KIF25: variants seen among roughly 807,000 people sequenced by gnomAD.
KIF25 encodes the protein kinesin family member 25, also known as kinesin-like protein KIF25.
KIF25 carries 19 observed loss-of-function variants against 32.9 expected under a neutral mutation model. The ratio of observed to expected loss-of-function variants is 0.58; its 90% confidence interval spans 0.40 to 0.85. The LOEUF is 0.85. Among genes scored for constraint, KIF25 ranks in the 40% least tolerant of loss-of-function variants. The pLI, the probability that KIF25 is intolerant of heterozygous loss-of-function variation, is 0.00. For missense variants in KIF25, 485 were observed against 507.0 expected (o/e 0.96, Z 0.42); for synonymous variants, 225 against 213.7 (o/e 1.05, Z -0.46).
intron 4 of KIF25, among the ~76,000 whole-genome samples, chr6:168,011,375 T>A (rs1798645098): frequency 6.6e-6 from 1 of 152,206 alleles, no homozygotes. Context: ...TTCTTGTAAG[T>A]CCCGTCTTGT....
At chr6:168,000,265 G>A (rs13194681) in intron 2 of KIF25, among the ~76,000 whole-genome samples, 30 of 20,760 alleles carry the variant, frequency 1.4e-3, no homozygotes, top group African/African-American at 2.3e-3. Flanking sequence ...TGACCTTCTC[G>A]CCCTCCCTCC....
chr6:168,016,262 C>T (rs2114879591), intron 4 of KIF25, among the ~76,000 whole-genome samples: 1 of 152,288 alleles, frequency 6.6e-6, no homozygotes, highest in Middle Eastern at 3.4e-3. Context: ...GGGGATGTGA[C>T]ATTATCATGT....
intron 2 of KIF25, among the ~76,000 whole-genome samples, chr6:168,001,560 AGGTGAGAAGACACCTGAGG>A: frequency 1.0e-5 from 1 of 97,450 alleles, no homozygotes; most frequent in East Asian, 5.5e-4. Context: ...GGCCTCGGGC[AGGTGAGAAGACACCTGAGG>A]CGTGGCCTCG....
intron 11 of KIF25, 136 bp downstream of exon 11, chr6:168,042,287 A>G: frequency 1.0e-6 from 1 of 959,722 alleles, no homozygotes; most frequent in Admixed American, 2.8e-5. Context: ...TGAGTTCCAA[A>G]TCCCGTTACA....
Position 168,041,973 on chromosome 6 carries a change from C to A in KIF25, c.651C>A (p.Asp217Glu). 1 of 1,551,532 alleles carries A rather than the reference C, an allele frequency of 6.4e-7. No homozygotes were observed. The highest frequency in any genetic ancestry group is 8.7e-7 in the Non-Finnish European group (1 of 1,147,102). ...TCGCTCCTTGGTCCCTTGCAGCAGA[C>A]CAAGCCTGCAGTGCCACCCTCCCCA... ...TTASCSDSTA[D>E]QACSATLPRE... Residue 217 changes from aspartate (D) to glutamate (E), a missense_variant, in exon 11 of 13, where the codon GAC (aspartate) becomes GAA (glutamate). Asp to Glu is a conservative substitution (Grantham distance 45). This residue lies in a region of KIF25 where 480 missense variants were observed against 470.3 expected (regional missense o/e 1.02). Transcript: ENST00000643607.
intron 4 of KIF25, among the ~76,000 whole-genome samples, chr6:168,010,882 G>A (rs1273053814): frequency 2.0e-5 from 3 of 151,908 alleles, no homozygotes; most frequent in Non-Finnish European, 4.4e-5. Context: ...CTTTTTTATG[G>A]CTTTTAACTT....
chr6:168,001,810 T>C (rs1798508917), intron 2 of KIF25, among the ~76,000 whole-genome samples: 1 of 90,888 alleles, frequency 1.1e-5, no homozygotes, highest in Non-Finnish European at 2.2e-5. Context: ...AGAAGACACC[T>C]GAGGCATGGC....
intron 10 of KIF25, 71 bp from the exon 11 acceptor site, chr6:168,041,894 TCTGA>T (rs1183306437): frequency 6.9e-7 from 1 of 1,455,648 alleles, no homozygotes; most frequent in East Asian, 2.5e-5. Flanking sequence ...GCTTCTCGGC[TCTGA>T]CTGAGGCAAA....
intron 4 of KIF25, among the ~76,000 whole-genome samples, chr6:168,010,537 T>C (rs1798634109): frequency 6.6e-6 from 1 of 152,154 alleles, no homozygotes; most frequent in Admixed American, 6.5e-5. Flanking sequence ...TTGTTTTGTG[T>C]CCTAACATGT....
chr6:168,001,716 TGGCCGCGGG>T (rs1175347452), intron 2 of KIF25, among the ~76,000 whole-genome samples: 7 of 61,048 alleles, frequency 1.1e-4, no homozygotes, highest in African/African-American at 2.4e-4. Context: ...ACCTGAGGCG[TGGCCGCGGG>T]CAGGTGAGAA....
rs181413719 is a variant in KIF25 at position 168,033,153 on chromosome 6, T to C, written c.168-729T>C. On this transcript the variant is annotated intron_variant, in intron 7 of 12. Coordinates refer to ENST00000643607, the MANE Select transcript of KIF25 (RefSeq NM_030615.4). ...AGGACCTCAGCACATGTGGATTGAC[T>C]GTGGACATGAACACCTCAAAGTCGC... is the stretch of plus-strand genomic sequence containing the variant. Among the ~76,000 whole-genome samples the C allele has an allele frequency of 5.5e-4, 84 of 152,284 alleles. 1 individual carries two copies. The highest frequency in any genetic ancestry group is 1.9e-3 in the African/African-American group (81 of 41,564).
chr6:168,011,134 A>T (rs914604307), intron 4 of KIF25, among the ~76,000 whole-genome samples: 1 of 151,970 alleles, frequency 6.6e-6, no homozygotes, highest in African/African-American at 2.4e-5. Flanking sequence ...ATAGGTGAGG[A>T]CTTACTCTTG....
In KIF25 at chr6:168,045,009, G is replaced by C. The variant is rs1799200419; in HGVS notation, c.*13G>C. ...GAGGCCGGATTGAATGCATTAACAA[G>C]TTTTTCTCCTAAAACTGTGTTTCTT... On this transcript the variant is annotated 3_prime_UTR_variant, in exon 13 of 13. Transcript: ENST00000643607. 1 of 1,577,026 alleles carries C rather than the reference G, an allele frequency of 6.3e-7. No homozygotes were observed. The highest frequency in any genetic ancestry group is 1.4e-5 in the African/African-American group (1 of 73,394).
intron 10 of KIF25, among the ~76,000 whole-genome samples, chr6:168,041,061 G>A (rs978049358): frequency 7.9e-5 from 12 of 152,156 alleles, no homozygotes; most frequent in Admixed American, 1.3e-4. Context: ...ATGCGGCTCC[G>A]GGGACCACAC....
rs558337729 is a variant in KIF25 at position 168,028,893 on chromosome 6, T to C, written c.-94-599T>C. Among the ~76,000 whole-genome samples the C allele has an allele frequency of 3.3e-5, 5 of 152,360 alleles. No homozygotes were observed. In the South Asian group the frequency reaches 1.0e-3, roughly 32 times the overall value. Reference sequence around the variant, plus strand: ...TCCCAGCATGTCTTCTAACTCTGTTTGTATATATAGAGGCTATGGATGTTT... The same window carrying C: ...TCCCAGCATGTCTTCTAACTCTGTTCGTATATATAGAGGCTATGGATGTTT... On this transcript the variant is annotated intron_variant, in intron 5 of 12. Transcript: ENST00000643607.
intron 6 of KIF25, 74 bp downstream of exon 6, chr6:168,029,751 T>C (rs1562388238): frequency 6.6e-7 from 1 of 1,511,104 alleles, no homozygotes; most frequent in Non-Finnish European, 8.9e-7. Context: ...CTCACTTTTC[T>C]ATTCTTTCTA....
intron 4 of KIF25, among the ~76,000 whole-genome samples, chr6:168,012,010 T>C (rs893477814): frequency 1.3e-5 from 2 of 152,214 alleles, no homozygotes; most frequent in African/African-American, 4.8e-5. Flanking sequence ...ATATATTTCA[T>C]TGAATTCTTC....
At chr6:168,037,660 TC>T (rs199503389) in intron 8 of KIF25, among the ~76,000 whole-genome samples, 3,585 of 152,280 alleles carry the variant, frequency 0.024, 161 homozygotes, top group African/African-American at 0.082. Flanking sequence ...TCTCTCTCTC[TC>T]TCTCTCTCTG....
chr6:168,005,713 G>T (rs1030892161), intron 4 of KIF25, among the ~76,000 whole-genome samples: 2 of 152,218 alleles, frequency 1.3e-5, no homozygotes, highest in Admixed American at 1.3e-4. Flanking sequence ...CACGGGAGAA[G>T]GATGTAGGCT....
Sources: gnomAD v4.1 joint callset for allele counts (sites outside exome capture counted in the v4.1 genomes callset) on GRCh38, gnomAD v4.1.1 for gene constraint, gnomAD v4.1.1 regional missense constraint, MANE v1.5 for transcripts, NCBI Gene and HGNC (gene_info 2026-07-23, HGNC 2026-07-21) for gene names.